GRIP1: variants seen among roughly 807,000 people sequenced by gnomAD.
GRIP1 encodes glutamate receptor interacting protein 1.
In GRIP1, 45 loss-of-function variants were observed where a neutral mutation model predicts 129.9. The ratio of observed to expected loss-of-function variants is 0.35; its 90% CI spans 0.27 to 0.44. The LOEUF is 0.44. Ranked by LOEUF, GRIP1 falls within the 20% of genes least tolerant of loss-of-function variation. The probability of loss-of-function intolerance (pLI) is 1.00; values close to 1 mark genes in which losing one functional copy is unlikely to be tolerated. For synonymous variants in GRIP1, 530 were observed against 520.8 expected, an observed-to-expected ratio of 1.02 and a Z score of -0.24; for missense variants, 1,196 against 1,396.8, an observed-to-expected ratio of 0.86 and a Z score of 2.29.
chr12:66,773,582 A>C (rs182390970), intron 1 of GRIP1, among the ~76,000 whole-genome samples: 2 of 152,284 alleles, frequency 1.3e-5, no homozygotes, highest in Non-Finnish European at 2.9e-5. Flanking sequence ...GGGGAGTGAT[A>C]GCATTAGGAG....
At chr12:66,511,082 G>C (rs923486950) in intron 7 of GRIP1, among the ~76,000 whole-genome samples, 3 of 152,102 alleles carry the variant, frequency 2.0e-5, no homozygotes, top group African/African-American at 7.2e-5. Flanking sequence ...GGAAGGGCAT[G>C]GTGGGAGGTA....
chr12:66,588,368 C>T, intron 2 of GRIP1, among the ~76,000 whole-genome samples: 1 of 152,004 alleles, frequency 6.6e-6, no homozygotes, highest in Middle Eastern at 3.2e-3. Context: ...CTCATTAACC[C>T]CCCTCTAATT....
chr12:66,817,258 C>T (rs989321321), intron 1 of GRIP1, among the ~76,000 whole-genome samples: 6 of 151,008 alleles, frequency 4.0e-5, no homozygotes, highest in Non-Finnish European at 8.9e-5. Flanking sequence ...ATATTTCCCA[C>T]GGACTATTTC....
chr12:67,063,321 G>A (rs923857229), intron 1 of GRIP1, among the ~76,000 whole-genome samples: 2 of 152,154 alleles, frequency 1.3e-5, no homozygotes, highest in African/African-American at 2.4e-5. Flanking sequence ...CTGTTGAAAT[G>A]AAAAGTGGTA....
At chr12:66,624,227 C>T (rs2065390657) in intron 1 of GRIP1, among the ~76,000 whole-genome samples, 1 of 152,156 alleles carries the variant, frequency 6.6e-6, no homozygotes, top group South Asian at 2.1e-4. Context: ...TTTCCATATG[C>T]ATGTTTGCCC....
At chr12:66,417,822 T>C (rs2057662756) in intron 15 of GRIP1, among the ~76,000 whole-genome samples, 1 of 152,134 alleles carries the variant, frequency 6.6e-6, no homozygotes, top group African/African-American at 2.4e-5. Flanking sequence ...TACATGTTTA[T>C]AAACTAGAAG....
intron 1 of GRIP1, among the ~76,000 whole-genome samples, chr12:66,815,824 C>CTTTA (rs1566036672): frequency 1.2e-5 from 1 of 80,830 alleles, no homozygotes; most frequent in African/African-American, 5.4e-5. Flanking sequence ...TGAAAGATTT[C>CTTTA]TTTCTTTCTT....
intron 1 of GRIP1, among the ~76,000 whole-genome samples, chr12:67,054,126 T>C (rs1592521547): frequency 6.6e-6 from 1 of 152,258 alleles, no homozygotes; most frequent in African/African-American, 2.4e-5. Context: ...AAATTGTTCC[T>C]GATTCTTCTT....
chr12:66,564,196 A>G (rs1477609638), intron 2 of GRIP1: 2 of 152,120 alleles, frequency 1.3e-5, no homozygotes, highest in African/African-American at 4.8e-5. Flanking sequence ...TTACATATGT[A>G]TACATGTGCC....
chr12:66,413,323 TG>T (rs1389886411), intron 15 of GRIP1, among the ~76,000 whole-genome samples: 1 of 152,072 alleles, frequency 6.6e-6, no homozygotes, highest in Non-Finnish European at 1.5e-5. Flanking sequence ...CACTACTACT[TG>T]GAAATTGAAC....
intron 11 of GRIP1, among the ~76,000 whole-genome samples, chr12:66,453,507 A>T (rs1280674243): frequency 6.6e-6 from 1 of 152,234 alleles, no homozygotes; most frequent in East Asian, 1.9e-4. Flanking sequence ...CGTTAAAAAG[A>T]TTGAACTTTG....
chr12:66,880,895 T>A (rs750228919), intron 1 of GRIP1, among the ~76,000 whole-genome samples: 4 of 152,168 alleles, frequency 2.6e-5, no homozygotes, highest in Non-Finnish European at 4.4e-5. Flanking sequence ...AATTTCCAAG[T>A]AAGTGGTGAG....
At chr12:66,615,278 G>GT (rs918292808) in intron 1 of GRIP1, among the ~76,000 whole-genome samples, 10 of 152,124 alleles carry the variant, frequency 6.6e-5, no homozygotes, top group Non-Finnish European at 1.2e-4. Context: ...ATAAAATCAT[G>GT]TTTTTTGTCA....
chr12:67,044,173 T>A (rs2043219837), intron 1 of GRIP1, among the ~76,000 whole-genome samples: 1 of 152,222 alleles, frequency 6.6e-6, no homozygotes, highest in African/African-American at 2.4e-5. Context: ...TTCTACCAGC[T>A]CATTCCCAGG....
At chr12:66,561,898 AC>A (rs1403665558) in intron 2 of GRIP1, among the ~76,000 whole-genome samples, 1 of 151,964 alleles carries the variant, frequency 6.6e-6, no homozygotes, top group Non-Finnish European at 1.5e-5. Flanking sequence ...GTTTGAGACC[AC>A]CCTGGACAAC....
intron 19 of GRIP1, among the ~76,000 whole-genome samples, chr12:66,380,090 A>G (rs1438379225): frequency 5.3e-5 from 8 of 151,512 alleles, no homozygotes; most frequent in Non-Finnish European, 5.9e-5. Flanking sequence ...TTTTATTTTT[A>G]GTAGAGACAG....
At chr12:66,445,078 T>G (rs954315601) in intron 12 of GRIP1, among the ~76,000 whole-genome samples, 1 of 152,224 alleles carries the variant, frequency 6.6e-6, no homozygotes. Flanking sequence ...TTTATGGATT[T>G]TTCTCCTTTT....
intron 1 of GRIP1, among the ~76,000 whole-genome samples, chr12:66,958,666 A>G (rs941068451): frequency 6.6e-6 from 1 of 152,260 alleles, no homozygotes; most frequent in African/African-American, 2.4e-5. Context: ...TTCAAAGTGC[A>G]TAATATTCCA....
chr12:66,653,509 A>G (rs202232856), intron 1 of GRIP1, among the ~76,000 whole-genome samples: 1 of 152,242 alleles, frequency 6.6e-6, no homozygotes, highest in East Asian at 1.9e-4. Context: ...GTAGTAGAAT[A>G]GAAGCTTTAG....
Sources: allele counts gnomAD v4.1 joint callset (sites outside exome capture counted in the v4.1 genomes callset), GRCh38; gene constraint gnomAD v4.1.1; transcripts MANE v1.5; gene names NCBI Gene and HGNC (gene_info 2026-07-23, HGNC 2026-07-21).